NALF1: variants seen among roughly 807,000 people sequenced by gnomAD.
NALF1 encodes family with sequence similarity 155 member A.
Under a neutral mutation model 48.4 loss-of-function variants are expected in NALF1, and 3 were observed. That is an observed-to-expected ratio of 0.06 (90% CI 0.03 to 0.16). The LOEUF is 0.16. Ranked by LOEUF, NALF1 falls within the 10% of genes least tolerant of loss-of-function variation. The pLI, the probability that NALF1 is intolerant of heterozygous loss-of-function variation, is 1.00. For synonymous variants in NALF1, 262 were observed against 245.7 expected (o/e 1.07, Z -0.62); for missense variants, 526 against 571.5 (o/e 0.92, Z 0.81).
At chr13:107,412,054 T>A (rs931142070) in intron 1 of NALF1, among the ~76,000 whole-genome samples, 1 of 152,144 alleles carries the variant, frequency 6.6e-6, no homozygotes, top group African/African-American at 2.4e-5. Context: ...AACCGCACAA[T>A]CCTCAGCTTA....
At chr13:107,677,473 A>T (rs1336559648) in intron 1 of NALF1, among the ~76,000 whole-genome samples, 1 of 152,268 alleles carries the variant, frequency 6.6e-6, no homozygotes, top group Non-Finnish European at 1.5e-5. Flanking sequence ...AGGAATAATT[A>T]GAATTGGGCA....
intron 1 of NALF1, among the ~76,000 whole-genome samples, chr13:107,777,253 GA>G (rs1456009623): frequency 1.3e-5 from 2 of 152,242 alleles, no homozygotes; most frequent in Admixed American, 6.5e-5. Context: ...ATTATGTTTA[GA>G]AAAAGTTTAA....
chr13:107,652,376 G>T (rs1018108151), intron 1 of NALF1, among the ~76,000 whole-genome samples: 1 of 152,054 alleles, frequency 6.6e-6, no homozygotes, highest in Admixed American at 6.6e-5. Context: ...AATAGTTATG[G>T]TTCTTCAAAG....
At chr13:107,852,954 C>G (rs1185170517) in intron 1 of NALF1, among the ~76,000 whole-genome samples, 2 of 152,184 alleles carry the variant, frequency 1.3e-5, no homozygotes, top group African/African-American at 4.8e-5. Context: ...AGCATCCTTT[C>G]AGCCACTTCA....
chr13:107,843,329 T>C (rs966624237), intron 1 of NALF1, among the ~76,000 whole-genome samples: 2 of 152,164 alleles, frequency 1.3e-5, no homozygotes, highest in Non-Finnish European at 2.9e-5. Context: ...AGCTTTTAAA[T>C]TGCAGGGATG....
chr13:107,173,158 G>T (rs1469646221), intron 2 of NALF1, among the ~76,000 whole-genome samples: 1 of 152,084 alleles, frequency 6.6e-6, no homozygotes, highest in Non-Finnish European at 1.5e-5. Context: ...GTATTTAGCT[G>T]CATTTCTGAG....
At chr13:107,406,713 C>T (rs1457354242) in intron 1 of NALF1, among the ~76,000 whole-genome samples, 4 of 151,628 alleles carry the variant, frequency 2.6e-5, no homozygotes, top group Non-Finnish European at 5.9e-5. Flanking sequence ...CTATTCATTT[C>T]TATTTTGATA....
At chr13:107,236,138 G>A (rs777849988) in intron 1 of NALF1, among the ~76,000 whole-genome samples, 6 of 152,098 alleles carry the variant, frequency 3.9e-5, no homozygotes, top group South Asian at 2.1e-4. Flanking sequence ...AAAGGCTGGC[G>A]TAGGCAGACT....
intron 1 of NALF1, among the ~76,000 whole-genome samples, chr13:107,848,757 G>A (rs1450408056): frequency 6.6e-6 from 1 of 152,086 alleles, no homozygotes; most frequent in Non-Finnish European, 1.5e-5. Flanking sequence ...CTCTTCAAAT[G>A]AAAAATTGTG....
intron 1 of NALF1, among the ~76,000 whole-genome samples, chr13:107,699,804 T>C (rs946422617): frequency 6.6e-6 from 1 of 152,026 alleles, no homozygotes; most frequent in Non-Finnish European, 1.5e-5. Context: ...CTGTTAGAAT[T>C]AATACCTGAA....
intron 1 of NALF1, among the ~76,000 whole-genome samples, chr13:107,722,210 G>T (rs1360019515): frequency 6.6e-6 from 1 of 152,006 alleles, no homozygotes; most frequent in Non-Finnish European, 1.5e-5. Flanking sequence ...TATCCTTTCT[G>T]TATTCAGAAT....
At chr13:107,596,781 C>G (rs1878766095) in intron 1 of NALF1, among the ~76,000 whole-genome samples, 1 of 152,086 alleles carries the variant, frequency 6.6e-6, no homozygotes, top group African/African-American at 2.4e-5. Flanking sequence ...ATATAACAAA[C>G]CTGCCCATTC....
chr13:107,833,967 T>C (rs1879816152), intron 1 of NALF1, among the ~76,000 whole-genome samples: 1 of 152,140 alleles, frequency 6.6e-6, no homozygotes, highest in Non-Finnish European at 1.5e-5. Context: ...CTTAATATGG[T>C]TGGCCCTCCA....
chr13:107,515,858 T>C (rs1035459057), intron 1 of NALF1, among the ~76,000 whole-genome samples: 2 of 152,142 alleles, frequency 1.3e-5, no homozygotes, highest in African/African-American at 4.8e-5. Flanking sequence ...ACTTGCAGGA[T>C]GGAAACGTAG....
chr13:107,774,909 G>A (rs935945137), intron 1 of NALF1, among the ~76,000 whole-genome samples: 1 of 152,074 alleles, frequency 6.6e-6, no homozygotes, highest in African/African-American at 2.4e-5. Flanking sequence ...TTATGCACAT[G>A]TGTCTTAGAG....
At chr13:107,244,741 G>A (rs538754260) in intron 1 of NALF1, among the ~76,000 whole-genome samples, 30 of 152,260 alleles carry the variant, frequency 2.0e-4, no homozygotes, top group African/African-American at 7.2e-4. Context: ...GCAGTCTATG[G>A]TTGGTATATG....
At chr13:107,596,678 G>A (rs978345587) in intron 1 of NALF1, among the ~76,000 whole-genome samples, 2 of 152,162 alleles carry the variant, frequency 1.3e-5, no homozygotes, top group East Asian at 1.9e-4. Flanking sequence ...GTTGAGGGGG[G>A]TGGGGGACTA....
At chr13:107,196,291 G>A (rs556879693) in intron 2 of NALF1, among the ~76,000 whole-genome samples, 1 of 152,234 alleles carries the variant, frequency 6.6e-6, no homozygotes, top group East Asian at 1.9e-4. Flanking sequence ...ATGTACCCCT[G>A]AACTTAAAAT....
intron 1 of NALF1, among the ~76,000 whole-genome samples, chr13:107,537,508 C>G (rs1461644478): frequency 1.3e-5 from 2 of 152,066 alleles, no homozygotes; most frequent in African/African-American, 2.4e-5. Context: ...GTCATTGCCA[C>G]AATATTTTTA....
Sources: allele counts gnomAD v4.1 joint callset (sites outside exome capture counted in the v4.1 genomes callset), GRCh38; gene constraint gnomAD v4.1.1; transcripts MANE v1.5; gene names NCBI Gene and HGNC (gene_info 2026-07-23, HGNC 2026-07-21).